Variants in CCDC179 observed in about 807,000 individuals in gnomAD.
CCDC179 encodes coiled-coil domain containing 179.
CCDC179 carries 17 observed loss-of-function variants against 12.0 expected under a neutral mutation model. The observed-to-expected ratio is 1.42, with a 90% CI of 0.97 to 2.13. CCDC179 has a LOEUF of 2.13. Ranked by LOEUF, CCDC179 falls within the 30% of genes most tolerant of loss-of-function variation. The probability of loss-of-function intolerance (pLI) is 0.00; values close to 1 mark genes in which losing one functional copy is unlikely to be tolerated. For missense variants in CCDC179, 83 were observed against 78.6 expected (o/e 1.06, Z -0.21); for synonymous variants, 27 against 26.4 (o/e 1.02, Z -0.07).
intron 3 of CCDC179, among the ~76,000 whole-genome samples, chr11:22,849,158 C>T (rs746150009): frequency 3.3e-4 from 50 of 152,110 alleles, no homozygotes; most frequent in Non-Finnish European, 5.3e-4. Flanking sequence ...ATAGTTTTTT[C>T]GAACTTTGAG....
chr11:22,855,820 A>G (rs1858516729), intron 3 of CCDC179, among the ~76,000 whole-genome samples: 2 of 151,538 alleles, frequency 1.3e-5, no homozygotes, highest in African/African-American at 4.8e-5. Flanking sequence ...AAAAAGACAC[A>G]AATTACTAAC....
intron 1 of CCDC179, among the ~76,000 whole-genome samples, chr11:22,859,779 G>A (rs1035030145): frequency 4.6e-5 from 7 of 152,158 alleles, no homozygotes; most frequent in African/African-American, 1.7e-4. Context: ...GATATATTCG[G>A]GAGGGAAAGA....
intron 3 of CCDC179, among the ~76,000 whole-genome samples, chr11:22,851,242 G>T (rs1032400006): frequency 2.0e-5 from 3 of 151,712 alleles, no homozygotes; most frequent in African/African-American, 7.3e-5. Flanking sequence ...CTGGGTTTCT[G>T]TATGGCAATG....
Position 22,856,549 on chromosome 11 carries a change from C to G in CCDC179, c.195+1373G>C, listed in dbSNP as rs116888783. On this transcript the variant is annotated intron_variant, in intron 3 of 3. Transcript: ENST00000532798. ...ACATCTCTAAAATACCTAAACCTCA[C>G]ATTATAGTCACTGTCAAGAAACCAG... is the stretch of plus-strand genomic sequence containing the variant. Among the ~76,000 whole-genome samples the G allele has an allele frequency of 5.3e-3, 809 of 151,582 alleles. 1 individual carries two copies. Among genetic ancestry groups the G allele is most frequent in the Non-Finnish European group, 9.3e-3 (630 of 67,470 alleles).
Position 22,847,082 on chromosome 11 carries a change from A to G in CCDC179, c.*428T>C, listed in dbSNP as rs1171212800. ...TTAGTTATAATAACAGTCTCCTAGG[A>G]CTGTTTAAAGTATTTAAACATTTTG... On this transcript the variant is annotated 3_prime_UTR_variant, in exon 4 of 4. Transcript: ENST00000532798. 6.5e-6 allele frequency: 1 copy of G among 153,240 alleles called. No homozygotes were observed. The highest frequency in any genetic ancestry group is 2.4e-5 in the African/African-American group (1 of 41,486). 9.5% of individuals were successfully genotyped at this position (153,240 alleles called of 1,614,324 possible). A position where few individuals can be genotyped will look rare whatever the true frequency, so the allele number is the denominator to read the frequency against.
intron 3 of CCDC179, among the ~76,000 whole-genome samples, chr11:22,848,121 T>C (rs774717884): frequency 2.0e-5 from 3 of 152,186 alleles, no homozygotes; most frequent in Non-Finnish European, 4.4e-5. Context: ...ATACATACAC[T>C]TAACGATATA....
Position 22,849,148 on chromosome 11 carries a change from A to G in CCDC179, c.196-1627T>C, listed in dbSNP as rs1412893442. ...GAAAAGTGAAGAGAAACCTTTTAGTATAGTTTTTTCGAACTTTGAGCTCCT... is the reference window on the plus strand; with the variant it reads ...GAAAAGTGAAGAGAAACCTTTTAGTGTAGTTTTTTCGAACTTTGAGCTCCT... On this transcript the variant is annotated intron_variant, in intron 3 of 3. Transcript: ENST00000532798. 3.9e-5 allele frequency among the ~76,000 whole-genome samples: 6 copies of G among 152,164 alleles called. No homozygotes were observed. The East Asian group carries it at 7.7e-4, about 20-fold the overall frequency.
intron 3 of CCDC179, among the ~76,000 whole-genome samples, chr11:22,851,047 G>A (rs1484575500): frequency 3.1e-5 from 4 of 130,348 alleles, no homozygotes; most frequent in African/African-American, 8.8e-5. Flanking sequence ...GTGCAGTGGT[G>A]CTATCTTGGC....
chr11:22,850,864 T>C (rs866514149), intron 3 of CCDC179, among the ~76,000 whole-genome samples: 1 of 147,160 alleles, frequency 6.8e-6, no homozygotes. Context: ...ATAATTCTCT[T>C]TTCTTTCCTA....
intron 3 of CCDC179, among the ~76,000 whole-genome samples, chr11:22,852,280 C>A (rs1485558769): frequency 6.6e-6 from 1 of 152,284 alleles, no homozygotes; most frequent in South Asian, 2.1e-4. Context: ...AGGGCATGGA[C>A]AAAGCTAACT....
At chr11:22,852,327 T>C (rs1858426170) in intron 3 of CCDC179, among the ~76,000 whole-genome samples, 1 of 152,154 alleles carries the variant, frequency 6.6e-6, no homozygotes, top group Non-Finnish European at 1.5e-5. Flanking sequence ...ATAATAGCCC[T>C]TCCCCAAAAT....
intron 3 of CCDC179, among the ~76,000 whole-genome samples, chr11:22,850,957 TATATA>T (rs1858368491): frequency 2.9e-4 from 3 of 10,452 alleles, no homozygotes; most frequent in Admixed American, 8.5e-4. Context: ...TATATATATA[TATATA>T]TATATATATA....
chr11:22,852,682 G>T (rs973817232), intron 3 of CCDC179, among the ~76,000 whole-genome samples: 1 of 152,062 alleles, frequency 6.6e-6, no homozygotes, highest in East Asian at 1.9e-4. Context: ...ATTCCCATAG[G>T]CCCCTGCCCA....
At chr11:22,856,573 A>G (rs1366698219) in intron 3 of CCDC179, among the ~76,000 whole-genome samples, 2 of 151,584 alleles carry the variant, frequency 1.3e-5, no homozygotes, top group African/African-American at 2.4e-5. Flanking sequence ...TCAAGAAACC[A>G]GATTTTTTTC....
chr11:22,855,454 T>C (rs1858511163), intron 3 of CCDC179, among the ~76,000 whole-genome samples: 1 of 151,432 alleles, frequency 6.6e-6, no homozygotes, highest in African/African-American at 2.4e-5. Flanking sequence ...AACTAGCACA[T>C]AGATCGATGA....
chr11:22,851,225 G>A (rs1858395797), intron 3 of CCDC179, among the ~76,000 whole-genome samples: 1 of 151,588 alleles, frequency 6.6e-6, no homozygotes, highest in African/African-American at 2.4e-5. Context: ...GTGTATAGTT[G>A]ATGGTCCTGG....
chr11:22,853,867 T>A (rs1461048884), intron 3 of CCDC179, among the ~76,000 whole-genome samples: 1 of 151,986 alleles, frequency 6.6e-6, no homozygotes, highest in African/African-American at 2.4e-5. Context: ...AAACACCAGA[T>A]AAATGTCTAC....
chr11:22,857,343 G>A (rs533495899), intron 3 of CCDC179, among the ~76,000 whole-genome samples: 3 of 151,564 alleles, frequency 2.0e-5, no homozygotes, highest in Admixed American at 6.6e-5. Flanking sequence ...TAGCGAGCTC[G>A]GAAATAAACC....
chr11:22,857,336 C>T (rs547830132), intron 3 of CCDC179, among the ~76,000 whole-genome samples: 5 of 151,584 alleles, frequency 3.3e-5, no homozygotes, highest in Admixed American at 2.0e-4. Context: ...GACAGAATAG[C>T]GAGCTCGGAA....
Sources: allele counts gnomAD v4.1 joint callset (sites outside exome capture counted in the v4.1 genomes callset), GRCh38; gene constraint gnomAD v4.1.1; transcripts MANE v1.5; gene names NCBI Gene and HGNC (gene_info 2026-07-23, HGNC 2026-07-21).